Variants in LRP1B observed in about 807,000 individuals in gnomAD.
The protein encoded by LRP1B is low-density lipoprotein receptor-related protein 1B.
Under a neutral mutation model 556.6 loss-of-function variants are expected in LRP1B, and 217 were observed. The ratio of observed to expected loss-of-function variants is 0.39; its 90% CI spans 0.35 to 0.44. The LOEUF (loss-of-function observed/expected upper bound fraction) is 0.44. LRP1B is among the 20% of genes least tolerant of loss of function. The probability of loss-of-function intolerance (pLI) is 1.00; values close to 1 mark genes in which losing one functional copy is unlikely to be tolerated. For missense variants in LRP1B, 5,053 were observed against 5,620.8 expected, an observed-to-expected ratio of 0.90 and a Z score of 3.23; for synonymous variants, 2,047 against 1,865.8, an observed-to-expected ratio of 1.10 and a Z score of -2.50.
chr2:141,019,676 T>C (rs1382965280), intron 12 of LRP1B, among the ~76,000 whole-genome samples: 5 of 152,046 alleles, frequency 3.3e-5, no homozygotes, highest in African/African-American at 9.7e-5. Context: ...ATAGTGCTAA[T>C]TTTGAATAAA....
At chr2:140,721,400 T>G (rs1270945816) in intron 35 of LRP1B, among the ~76,000 whole-genome samples, 1 of 152,126 alleles carries the variant, frequency 6.6e-6, no homozygotes, top group Non-Finnish European at 1.5e-5. Context: ...GGATCATGGA[T>G]CCTGCCTGTT....
intron 1 of LRP1B, among the ~76,000 whole-genome samples, chr2:142,005,054 A>AT (rs1021517315): frequency 6.7e-6 from 1 of 148,334 alleles, no homozygotes; most frequent in African/African-American, 2.4e-5. Context: ...ATTTAGTACT[A>AT]TAATTATATA....
At chr2:141,515,351 A>G (rs958555332) in intron 2 of LRP1B, among the ~76,000 whole-genome samples, 7 of 152,084 alleles carry the variant, frequency 4.6e-5, no homozygotes, top group African/African-American at 1.7e-4. Context: ...GACATACTGT[A>G]AACATTCATG....
chr2:142,011,176 T>G (rs146856812), intron 1 of LRP1B, among the ~76,000 whole-genome samples: 178 of 152,332 alleles, frequency 1.2e-3, no homozygotes, highest in African/African-American at 4.1e-3. Flanking sequence ...ACTAAAAATA[T>G]CTCTGAGTTT....
chr2:140,571,726 A>G (rs1450434064), intron 43 of LRP1B, among the ~76,000 whole-genome samples: 1 of 151,766 alleles, frequency 6.6e-6, no homozygotes, highest in Middle Eastern at 3.2e-3. Flanking sequence ...AAAAACAAAG[A>G]TAAAGACATC....
intron 3 of LRP1B, among the ~76,000 whole-genome samples, chr2:141,449,397 C>G (rs1009366827): frequency 7.2e-5 from 11 of 152,060 alleles, no homozygotes; most frequent in African/African-American, 2.7e-4. Flanking sequence ...AAAAAAATTT[C>G]TTTGGAATTG....
intron 3 of LRP1B, among the ~76,000 whole-genome samples, chr2:141,342,643 T>C (rs931359737): frequency 6.6e-6 from 1 of 151,564 alleles, no homozygotes; most frequent in African/African-American, 2.4e-5. Context: ...AACAACTTAA[T>C]GAAATAAAGT....
At chr2:140,373,825 A>C (rs1683102003) in intron 68 of LRP1B, among the ~76,000 whole-genome samples, 1 of 152,144 alleles carries the variant, frequency 6.6e-6, no homozygotes, top group African/African-American at 2.4e-5. Flanking sequence ...AACTACATCC[A>C]GTTTATTGGC....
intron 7 of LRP1B, among the ~76,000 whole-genome samples, chr2:141,073,476 T>G (rs1699700452): frequency 6.6e-6 from 1 of 152,072 alleles, no homozygotes; most frequent in Admixed American, 6.6e-5. Flanking sequence ...GTACTTCAGG[T>G]TCAGTCTTGT....
chr2:140,576,296 T>C (rs10200073), intron 43 of LRP1B, among the ~76,000 whole-genome samples: 7,377 of 152,290 alleles, frequency 0.048, 523 homozygotes, highest in African/African-American at 0.16. Flanking sequence ...CTCAAATGTG[T>C]TGACTCTCAA....
At chr2:141,229,496 A>C in intron 5 of LRP1B, 56 bp from the exon 6 acceptor site, 2 of 1,283,680 alleles carry the variant, frequency 1.6e-6, no homozygotes, top group South Asian at 2.7e-5. Flanking sequence ...ATTATTTTAC[A>C]GTTTTGCCCT....
At chr2:141,769,364 C>G (rs1166745934) in intron 2 of LRP1B, among the ~76,000 whole-genome samples, 3 of 152,116 alleles carry the variant, frequency 2.0e-5, no homozygotes, top group African/African-American at 7.2e-5. Context: ...TTAAGACAGA[C>G]TTTAAAAGCC....
At chr2:140,926,097 AC>A (rs1694878673) in intron 20 of LRP1B, among the ~76,000 whole-genome samples, 1 of 148,452 alleles carries the variant, frequency 6.7e-6, no homozygotes, top group Non-Finnish European at 1.5e-5. Flanking sequence ...CCATGTCTGA[AC>A]CTCTGTATGC....
rs139263085 is a variant in LRP1B at position 140,776,200 on chromosome 2, G to A, written c.5398C>T (p.Leu1800=). 1 of 1,602,260 alleles carries A rather than the reference G, an allele frequency of 6.2e-7. No homozygotes were observed. The highest frequency in any genetic ancestry group is 1.4e-5 in the African/African-American group (1 of 73,846). ...LWWADQNLAQ[L]GTCSKRDGRN... is the part of the protein sequence containing the mutation. ...CCGTCTCTTTTGCTGCAGGTTCCTAGCTGGGCTAAGTTTTGGTCTGCCCAC... is the reference window on the plus strand; with the variant it reads ...CCGTCTCTTTTGCTGCAGGTTCCTAACTGGGCTAAGTTTTGGTCTGCCCAC... Residue 1800 remains leucine (L), a synonymous_variant, in exon 33 of 91, where the codon CTA becomes TTA. Coordinates refer to ENST00000389484, the MANE Select transcript of LRP1B (RefSeq NM_018557.3).
At chr2:141,269,921 A>G (rs916819509) in intron 3 of LRP1B, among the ~76,000 whole-genome samples, 3 of 152,154 alleles carry the variant, frequency 2.0e-5, no homozygotes, top group Admixed American at 6.6e-5. Context: ...TGATATGACA[A>G]CAGCACATAG....
intron 1 of LRP1B, among the ~76,000 whole-genome samples, chr2:141,897,728 C>A (rs1699496500): frequency 6.6e-6 from 1 of 152,120 alleles, no homozygotes. Context: ...TAACCATCTG[C>A]TCAAAATACT....
chr2:141,221,288 TA>T (rs3063857), intron 6 of LRP1B, among the ~76,000 whole-genome samples: 2,028 of 131,146 alleles, frequency 0.015, 17 homozygotes, highest in East Asian at 0.039. Flanking sequence ...CCAACAAAGA[TA>T]AAAAAAAAAA....
At chr2:141,212,636 C>T (rs186335582) in intron 6 of LRP1B, among the ~76,000 whole-genome samples, 1 of 152,056 alleles carries the variant, frequency 6.6e-6, no homozygotes, top group East Asian at 1.9e-4. Flanking sequence ...AAATAACCCA[C>T]TTTTGCTGGG....
At chr2:142,004,354 T>C (rs1373028335) in intron 1 of LRP1B, among the ~76,000 whole-genome samples, 1 of 151,990 alleles carries the variant, frequency 6.6e-6, no homozygotes, top group South Asian at 2.1e-4. Context: ...AGGTGTAAAA[T>C]GACCATTGTT....
Sources: allele counts gnomAD v4.1 joint callset (sites outside exome capture counted in the v4.1 genomes callset), GRCh38; gene constraint gnomAD v4.1.1; transcripts MANE v1.5; gene names NCBI Gene and HGNC (gene_info 2026-07-23, HGNC 2026-07-21).